Variants in NOVA1 observed in about 807,000 individuals in gnomAD.
NOVA1 encodes the protein NOVA alternative splicing regulator 1.
In NOVA1, 7 loss-of-function variants were observed where a neutral mutation model predicts 38.0. The ratio of observed to expected loss-of-function variants is 0.18; its 90% CI spans 0.10 to 0.35. The LOEUF (loss-of-function observed/expected upper bound fraction) is 0.35, where lower values mean the gene tolerates loss of function less well. Among genes scored for constraint, NOVA1 ranks in the 10% least tolerant of loss-of-function variants. The probability of loss-of-function intolerance (pLI) is 1.00; values close to 1 mark genes in which losing one functional copy is unlikely to be tolerated. For missense variants in NOVA1, 460 were observed against 616.0 expected (o/e 0.75, Z 2.68); for synonymous variants, 270 against 232.5 (o/e 1.16, Z -1.47).
At chr14:26,586,492 G>C (rs2138790948) in intron 2 of NOVA1, among the ~76,000 whole-genome samples, 1 of 150,706 alleles carries the variant, frequency 6.6e-6, no homozygotes, top group Non-Finnish European at 1.5e-5. Context: ...ATACTTACAG[G>C]AGTTTTTATA....
At position 26,465,509 on chromosome 14, in the gene NOVA1, C is replaced by G. The variant is rs572031285; in HGVS notation, c.519+6811G>C. On this transcript the variant is annotated intron_variant, in intron 4 of 4. Transcript: ENST00000539517. Reference sequence around the variant, plus strand: ...TTTGTTGGAGAATTATGATAATATTCGTATTTGAGACAAGTGCCCAGCTGG... The same window carrying G: ...TTTGTTGGAGAATTATGATAATATTGGTATTTGAGACAAGTGCCCAGCTGG... Among the ~76,000 whole-genome samples, 4 of 152,176 alleles carry G rather than the reference C, an allele frequency of 2.6e-5. 1 individual carries two copies. In the South Asian group the frequency reaches 8.3e-4, roughly 32 times the overall value.
intron 2 of NOVA1, among the ~76,000 whole-genome samples, chr14:26,506,639 G>A (rs2138431441): frequency 1.3e-5 from 2 of 152,114 alleles, no homozygotes; most frequent in Middle Eastern, 3.4e-3. Context: ...GAGTGCAGTG[G>A]CATGAACTCG....
intron 2 of NOVA1, among the ~76,000 whole-genome samples, chr14:26,483,029 G>A (rs1040741743): frequency 6.6e-6 from 1 of 152,096 alleles, no homozygotes; most frequent in Non-Finnish European, 1.5e-5. Context: ...GCACTTTTAA[G>A]AAAGAAATCA....
intron 2 of NOVA1, among the ~76,000 whole-genome samples, chr14:26,514,004 G>T (rs1366972304): frequency 6.6e-6 from 1 of 151,602 alleles, no homozygotes; most frequent in African/African-American, 2.4e-5. Context: ...ATTTATGAAT[G>T]TAACATTCAA....
At chr14:26,585,469 G>A (rs1169818779) in intron 2 of NOVA1, among the ~76,000 whole-genome samples, 2 of 151,140 alleles carry the variant, frequency 1.3e-5, no homozygotes, top group Non-Finnish European at 3.0e-5. Context: ...TGGGGAAGAA[G>A]ATATTAAAAT....
At chr14:26,507,443 T>G (rs1011839077) in intron 2 of NOVA1, among the ~76,000 whole-genome samples, 1 of 152,192 alleles carries the variant, frequency 6.6e-6, no homozygotes, top group Admixed American at 6.5e-5. Context: ...CCATCCCAGC[T>G]TTGTTGAGGG....
chr14:26,581,910 C>G (rs1353194555), intron 2 of NOVA1, among the ~76,000 whole-genome samples: 1 of 151,854 alleles, frequency 6.6e-6, no homozygotes, highest in Non-Finnish European at 1.5e-5. Context: ...TATTCTTCAT[C>G]TGTAAAATGA....
chr14:26,461,212 T>TA lies in NOVA1; in HGVS notation c.519+11107dup, dbSNP rs539537970. ...CAATGCCTGAGCCATATATGGGATG[T>TA]AAAAAAAGGAATGTTACAGAGCGAC... On this transcript the variant is annotated intron_variant, in intron 4 of 4. Coordinates refer to ENST00000539517, the MANE Select transcript of NOVA1 (RefSeq NM_002515.3). 5.9e-4 allele frequency among the ~76,000 whole-genome samples: 90 copies of TA among 152,152 alleles called. 1 individual carries two copies. Among genetic ancestry groups the TA allele is most frequent in the Middle Eastern group, 6.8e-3 (2 of 294 alleles).
At chr14:26,482,308 G>A (rs1251754547) in intron 2 of NOVA1, among the ~76,000 whole-genome samples, 1 of 151,890 alleles carries the variant, frequency 6.6e-6, no homozygotes, top group Admixed American at 6.6e-5. Flanking sequence ...AAAAAGGAAA[G>A]AAAAAAGGAG....
intron 2 of NOVA1, among the ~76,000 whole-genome samples, chr14:26,547,322 A>C (rs1431093340): frequency 6.6e-6 from 1 of 152,054 alleles, no homozygotes; most frequent in Non-Finnish European, 1.5e-5. Context: ...AATAAACTAA[A>C]CAAATGTTCC....
intron 4 of NOVA1, chr14:26,470,320 TC>T: frequency 7.0e-7 from 1 of 1,434,892 alleles, no homozygotes; most frequent in African/African-American, 1.4e-5. Context: ...CACATTTCCT[TC>T]TGCCCTACCA....
intron 4 of NOVA1, among the ~76,000 whole-genome samples, chr14:26,471,620 T>C (rs1354101321): frequency 6.6e-6 from 1 of 151,962 alleles, no homozygotes; most frequent in Non-Finnish European, 1.5e-5. Flanking sequence ...AATCTTCTTA[T>C]ATTTGTCAAA....
intron 2 of NOVA1, among the ~76,000 whole-genome samples, chr14:26,588,751 T>C (rs1893678193): frequency 1.3e-5 from 2 of 151,514 alleles, no homozygotes; most frequent in Non-Finnish European, 3.0e-5. Context: ...TGATTAAAAA[T>C]AGTCAATCAT....
intron 2 of NOVA1, among the ~76,000 whole-genome samples, chr14:26,586,863 A>AAAT (rs991236364): frequency 7.3e-5 from 11 of 150,838 alleles, no homozygotes; most frequent in African/African-American, 2.2e-4. Context: ...ACATGAACTA[A>AAAT]AATAATAATA....
At chr14:26,592,659 A>C (rs1893928323) in intron 2 of NOVA1, 1 of 151,640 alleles carries the variant, frequency 6.6e-6, no homozygotes, top group Admixed American at 6.6e-5. Context: ...GTGTACAAAA[A>C]TGTTTTTTCA....
At position 26,445,255 on chromosome 14, in the gene NOVA1, T is replaced by C. The variant is rs1243852521; in HGVS notation, c.*2704A>G. On this transcript the variant is annotated 3_prime_UTR_variant, in exon 5 of 5. Transcript: ENST00000539517. ...TTGTTACATGCCTACCTGTGGCAGT[T>C]TGAAGCCATACTAATTTTCTTGCAA... 6.6e-6 allele frequency: 1 copy of C among 152,224 alleles called. No individual in the cohort carries two copies. Among genetic ancestry groups the C allele is most frequent in the Non-Finnish European group, 1.5e-5 (1 of 68,040 alleles). The allele number at this position is 152,224 out of a possible 1,614,324, so 9.4% of individuals were successfully genotyped here. A position where few individuals can be genotyped will look rare whatever the true frequency, so the allele number is the denominator to read the frequency against.
At chr14:26,536,999 C>A (rs956043376) in intron 2 of NOVA1, among the ~76,000 whole-genome samples, 1 of 152,004 alleles carries the variant, frequency 6.6e-6, no homozygotes, top group Non-Finnish European at 1.5e-5. Context: ...ACTGTGTATA[C>A]TATACTCCTA....
intron 2 of NOVA1, among the ~76,000 whole-genome samples, chr14:26,552,095 A>C (rs1891198216): frequency 1.3e-5 from 2 of 152,132 alleles, no homozygotes; most frequent in African/African-American, 4.8e-5. Context: ...ACTACTTCAA[A>C]TGTAAAGAGT....
chr14:26,578,416 G>A (rs918745857), intron 2 of NOVA1, among the ~76,000 whole-genome samples: 1 of 151,784 alleles, frequency 6.6e-6, no homozygotes, highest in Non-Finnish European at 1.5e-5. Flanking sequence ...TTTCCAGTAG[G>A]GCAAGAACTT....
Sources: gnomAD v4.1 joint callset for allele counts (sites outside exome capture counted in the v4.1 genomes callset) on GRCh38, gnomAD v4.1.1 for gene constraint, MANE v1.5 for transcripts, NCBI Gene and HGNC (gene_info 2026-07-23, HGNC 2026-07-21) for gene names.